ASIC5: variants seen among roughly 807,000 people sequenced by gnomAD.
ASIC5 encodes bile acid-sensitive ion channel.
Under a neutral mutation model 51.2 loss-of-function variants are expected in ASIC5, and 52 were observed. The observed-to-expected ratio is 1.02, with a 90% confidence interval of 0.81 to 1.28. The LOEUF is 1.28. ASIC5 is among the 50% of genes most tolerant of loss of function. The probability of loss-of-function intolerance (pLI) is 0.00; values close to 1 mark genes in which losing one functional copy is unlikely to be tolerated. For synonymous variants in ASIC5, 231 were observed against 200.7 expected, an observed-to-expected ratio of 1.15 and a Z score of -1.28; for missense variants, 635 against 595.0, an observed-to-expected ratio of 1.07 and a Z score of -0.70.
intron 6 of ASIC5, among the ~76,000 whole-genome samples, chr4:155,839,643 C>T (rs1274682859): frequency 5.9e-5 from 9 of 151,904 alleles, no homozygotes. Context: ...GGAGATTGTC[C>T]ACTTACAACG....
chr4:155,848,402 CA>C, intron 4 of ASIC5, among the ~76,000 whole-genome samples: 1 of 152,000 alleles, frequency 6.6e-6, no homozygotes, highest in African/African-American at 2.4e-5. Flanking sequence ...GAAGCATTGT[CA>C]AATATGAAAT....
At chr4:155,844,206 A>T (rs1741184829) in intron 4 of ASIC5, among the ~76,000 whole-genome samples, 1 of 152,032 alleles carries the variant, frequency 6.6e-6, no homozygotes, top group Non-Finnish European at 1.5e-5. Context: ...TATAGCCCAA[A>T]CCAATAGGAC....
At chr4:155,838,062 C>T (rs1471891246) in intron 7 of ASIC5, among the ~76,000 whole-genome samples, 3 of 152,138 alleles carry the variant, frequency 2.0e-5, no homozygotes, top group African/African-American at 7.2e-5. Flanking sequence ...CTACCTATAG[C>T]CATACCTTGA....
chr4:155,865,949 G>A (rs1381841280), intron 1 of ASIC5, among the ~76,000 whole-genome samples: 1 of 151,984 alleles, frequency 6.6e-6, no homozygotes, highest in African/African-American at 2.4e-5. Context: ...ACAAAACAAA[G>A]AAACAAAATC....
intron 4 of ASIC5, among the ~76,000 whole-genome samples, chr4:155,847,413 A>T (rs770413677): frequency 3.3e-5 from 5 of 152,000 alleles, no homozygotes; most frequent in Non-Finnish European, 7.4e-5. Flanking sequence ...CCCACAGCAG[A>T]TTCCAATAAA....
intron 8 of ASIC5, among the ~76,000 whole-genome samples, chr4:155,832,534 G>T: frequency 6.6e-6 from 1 of 152,106 alleles, no homozygotes. Flanking sequence ...CTAATAGCTC[G>T]TTACACGGTC....
intron 2 of ASIC5, among the ~76,000 whole-genome samples, chr4:155,858,571 G>A (rs1741607507): frequency 6.6e-6 from 1 of 152,060 alleles, no homozygotes; most frequent in Non-Finnish European, 1.5e-5. Context: ...GGTTGAGGAT[G>A]AACCTGGGGA....
At chr4:155,861,207 G>A (rs1197111493) in intron 2 of ASIC5, among the ~76,000 whole-genome samples, 1 of 151,896 alleles carries the variant, frequency 6.6e-6, no homozygotes, top group Admixed American at 6.6e-5. Flanking sequence ...ATGTGCACAT[G>A]AGAAGAATGC....
At chr4:155,855,426 T>C (rs1345315500) in intron 2 of ASIC5, 1 of 152,072 alleles carries the variant, frequency 6.6e-6, no homozygotes, top group Non-Finnish European at 1.5e-5. Flanking sequence ...TCTCTTATCT[T>C]GCCGGGCAAT....
At chr4:155,857,437 A>C (rs1443375327) in intron 2 of ASIC5, among the ~76,000 whole-genome samples, 1 of 152,050 alleles carries the variant, frequency 6.6e-6, no homozygotes, top group Non-Finnish European at 1.5e-5. Context: ...TTTTAATTTT[A>C]AATTGAACTT....
At chr4:155,839,837 A>G (rs1403612021) in intron 6 of ASIC5, among the ~76,000 whole-genome samples, 1 of 152,210 alleles carries the variant, frequency 6.6e-6, no homozygotes, top group Non-Finnish European at 1.5e-5. Flanking sequence ...GAAAAAAAAG[A>G]TGGTAGATGG....
At chr4:155,864,627 C>A (rs1363585509) in intron 1 of ASIC5, 2 of 152,134 alleles carry the variant, frequency 1.3e-5, no homozygotes, top group East Asian at 3.9e-4. Context: ...ATAACCTGCA[C>A]AACTTTAGCC....
intron 8 of ASIC5, among the ~76,000 whole-genome samples, chr4:155,832,841 G>T (rs1740898600): frequency 6.6e-6 from 1 of 151,972 alleles, no homozygotes; most frequent in Admixed American, 6.6e-5. Flanking sequence ...CTCTCACCTG[G>T]ATTTTTGCAA....
chr4:155,860,144 T>C (rs1234685247), intron 2 of ASIC5, among the ~76,000 whole-genome samples: 1 of 152,038 alleles, frequency 6.6e-6, no homozygotes, highest in Admixed American at 6.6e-5. Flanking sequence ...TGATTTCTAC[T>C]GGTGTATTTT....
At chr4:155,833,334 C>T (rs980735719) in intron 8 of ASIC5, among the ~76,000 whole-genome samples, 1 of 152,082 alleles carries the variant, frequency 6.6e-6, no homozygotes, top group African/African-American at 2.4e-5. Context: ...ATACTATTAG[C>T]CGAGTTTCCT....
At position 155,843,673 on chromosome 4, in the gene ASIC5, G is replaced by A. The variant is rs1560744411; in HGVS notation, c.861+8C>T. On this transcript the variant is annotated splice_region_variant and intron_variant, in intron 5 of 9. Coordinates refer to ENST00000537611, the MANE Select transcript of ASIC5 (RefSeq NM_017419.3). ...CCCCACCTAATTTCCTCAGACTCGA[G>A]TATTTACCTTCACTTGGCGGATGGT... 6.2e-7 allele frequency: 1 copy of A among 1,613,146 alleles called. No individual in the cohort carries two copies. Among genetic ancestry groups the A allele is most frequent in the Non-Finnish European group, 8.5e-7 (1 of 1,179,490 alleles).
chr4:155,847,442 C>T (rs1264715773), intron 4 of ASIC5, among the ~76,000 whole-genome samples: 3 of 152,026 alleles, frequency 2.0e-5, no homozygotes, highest in Non-Finnish European at 4.4e-5. Context: ...GCATTCCTGG[C>T]CAGGCACAGG....
chr4:155,838,507 G>A (rs1243716185), intron 7 of ASIC5, among the ~76,000 whole-genome samples: 4 of 152,062 alleles, frequency 2.6e-5, no homozygotes, highest in Non-Finnish European at 5.9e-5. Flanking sequence ...TTTCTATTCT[G>A]TAGTATTTTA....
Position 155,838,872 on chromosome 4 carries a change from T to C in ASIC5, c.1010-3A>G, listed in dbSNP as rs537242277. ...TAGGTCACATTCTATCCCATATCCT[T>C]AAAAATAATAAGTGTAACATATAGA... On this transcript the variant is annotated splice_polypyrimidine_tract_variant and splice_region_variant and intron_variant, in intron 6 of 9. Transcript: ENST00000537611. 3.3e-6 allele frequency: 5 copies of C among 1,528,306 alleles called. No homozygotes were observed. The East Asian group carries it at 6.8e-5, about 21-fold the overall frequency. The allele number at this position is 1,528,306 out of a possible 1,614,324, so 94.7% of individuals were successfully genotyped here.
Sources: gnomAD v4.1 joint callset for allele counts (sites outside exome capture counted in the v4.1 genomes callset) on GRCh38, gnomAD v4.1.1 for gene constraint, MANE v1.5 for transcripts, NCBI Gene and HGNC (gene_info 2026-07-23, HGNC 2026-07-21) for gene names.